The following SPECC1 variants were observed in gnomAD, a reference collection of about 807,000 sequenced individuals.
SPECC1 encodes the protein sperm antigen with calponin homology and coiled-coil domains 1.
A neutral mutation model predicts 104.1 loss-of-function variants in SPECC1; 62 were observed. The observed-to-expected ratio is 0.60, with a 90% CI of 0.49 to 0.74. The LOEUF is 0.74. Among genes scored for constraint, SPECC1 ranks in the 30% least tolerant of loss-of-function variants. The pLI is 0.00. For synonymous variants in SPECC1, 513 were observed against 501.6 expected (o/e 1.02, Z -0.30); for missense variants, 1,306 against 1,310.5 (o/e 1.00, Z 0.05).
chr17:20,043,893 T>C (rs1456165327), intron 1 of SPECC1, among the ~76,000 whole-genome samples: 2 of 152,056 alleles, frequency 1.3e-5, no homozygotes, highest in African/African-American at 2.4e-5. Flanking sequence ...GTTAGGGAGG[T>C]AGAGCTTCAT....
intron 3 of SPECC1, among the ~76,000 whole-genome samples, chr17:20,185,341 T>C (rs1305272107): frequency 1.3e-5 from 2 of 152,182 alleles, no homozygotes; most frequent in East Asian, 1.9e-4. Context: ...GGCTAAATTA[T>C]AAAAGGCTGT....
At chr17:20,270,463 A>AAAAAC (rs2040368752) in intron 12 of SPECC1, among the ~76,000 whole-genome samples, 1 of 102,630 alleles carries the variant, frequency 9.7e-6, no homozygotes, top group Non-Finnish European at 1.9e-5. Flanking sequence ...AAAAAAAAAA[A>AAAAAC]AAAACATTAG....
chr17:20,259,306 G>A (rs538431147), intron 11 of SPECC1, among the ~76,000 whole-genome samples: 2 of 152,278 alleles, frequency 1.3e-5, no homozygotes, highest in Admixed American at 6.5e-5. Flanking sequence ...GTGCTGTTCT[G>A]AAGTTGCCGT....
At chr17:20,069,978 G>A (rs909324992) in intron 1 of SPECC1, among the ~76,000 whole-genome samples, 2 of 152,032 alleles carry the variant, frequency 1.3e-5, no homozygotes, top group African/African-American at 4.8e-5. Context: ...CAGCCTTCCT[G>A]AACTCCTTTA....
rs779872380 is a variant in SPECC1, at chr17:20,205,396, G to A, written c.1347G>A (p.Glu449=). The A allele has an allele frequency of 3.7e-6, 6 of 1,613,866 alleles. No individual in the cohort carries two copies. Among genetic ancestry groups the A allele is most frequent in the Non-Finnish European group, 5.1e-6 (6 of 1,179,980 alleles). The change falls in exon 4 of 15, where the codon GAG becomes GAA. Residue 449 remains glutamate (E), a synonymous_variant. Coordinates refer to ENST00000395527, the MANE Select transcript of SPECC1 (RefSeq NM_001243439.2). ...AGAAGCTGATGAATCTTTTACAAGA[G>A]CGAGTAAAGAATGAAGAGCCCACCA... is the stretch of plus-strand genomic sequence containing the variant. ...ENEKLMNLLQ[E]RVKNEEPTTQ...
At chr17:20,197,026 A>T (rs1199602436) in intron 3 of SPECC1, among the ~76,000 whole-genome samples, 1 of 152,222 alleles carries the variant, frequency 6.6e-6, no homozygotes, top group Non-Finnish European at 1.5e-5. Flanking sequence ...TTATATAAAC[A>T]TTACACATAA....
At chr17:20,160,822 A>G (rs1285811397) in intron 3 of SPECC1, among the ~76,000 whole-genome samples, 1 of 152,136 alleles carries the variant, frequency 6.6e-6, no homozygotes, top group Non-Finnish European at 1.5e-5. Flanking sequence ...AACCTGCACT[A>G]TGAAAGTTGA....
intron 3 of SPECC1, among the ~76,000 whole-genome samples, chr17:20,164,465 A>G (rs900399892): frequency 4.0e-5 from 6 of 151,822 alleles, no homozygotes; most frequent in Admixed American, 6.6e-5. Flanking sequence ...GCCCCATATA[A>G]TTTTTGGGGT....
At chr17:20,309,674 T>C (rs2142201415) in intron 14 of SPECC1, among the ~76,000 whole-genome samples, 1 of 152,288 alleles carries the variant, frequency 6.6e-6, no homozygotes, top group African/African-American at 2.4e-5. Flanking sequence ...TGTGCATTAG[T>C]TTGCTGAGGA....
chr17:20,223,609 G>T (rs1567958192), intron 4 of SPECC1, among the ~76,000 whole-genome samples: 1 of 151,630 alleles, frequency 6.6e-6, no homozygotes, highest in African/African-American at 2.4e-5. Context: ...GGAGGCAGAG[G>T]TTGCAGTGAG....
At chr17:20,128,620 G>A (rs950467950) in intron 3 of SPECC1, among the ~76,000 whole-genome samples, 19 of 152,052 alleles carry the variant, frequency 1.2e-4, no homozygotes, top group African/African-American at 3.9e-4. Context: ...GTAGCTTGTC[G>A]ATCTAATGAC....
chr17:20,037,902 CTGTTT>C (rs1256875951), intron 1 of SPECC1, among the ~76,000 whole-genome samples: 4 of 151,924 alleles, frequency 2.6e-5, no homozygotes, highest in Non-Finnish European at 4.4e-5. Flanking sequence ...TTTAATGTTT[CTGTTT>C]TAAGAGTGTT....
chr17:20,120,186 C>T (rs1241658757), intron 3 of SPECC1, among the ~76,000 whole-genome samples: 1 of 152,118 alleles, frequency 6.6e-6, no homozygotes, highest in East Asian at 1.9e-4. Flanking sequence ...TATTTGGAGA[C>T]CAGCCTGGCC....
chr17:20,199,090 T>A (rs2151317597), intron 3 of SPECC1, among the ~76,000 whole-genome samples: 1 of 144,136 alleles, frequency 6.9e-6, no homozygotes, highest in South Asian at 2.2e-4. Flanking sequence ...CTTTTTTTTT[T>A]TTTTTTTTTT....
At chr17:20,225,119 T>A (rs1433637498) in intron 4 of SPECC1, among the ~76,000 whole-genome samples, 1 of 151,712 alleles carries the variant, frequency 6.6e-6, no homozygotes, top group Non-Finnish European at 1.5e-5. Context: ...GCTTCAGGAA[T>A]CTGCTTAGTG....
intron 1 of SPECC1, among the ~76,000 whole-genome samples, chr17:20,062,515 A>C (rs1327620540): frequency 6.6e-6 from 1 of 151,886 alleles, no homozygotes. Context: ...GGCATGTGCC[A>C]CTGTGCCTGG....
chr17:20,173,789 T>C (rs1260516999), intron 3 of SPECC1, among the ~76,000 whole-genome samples: 1 of 152,252 alleles, frequency 6.6e-6, no homozygotes, highest in Non-Finnish European at 1.5e-5. Flanking sequence ...CCTTACAGTG[T>C]TTAAAGTTTT....
Position 20,281,604 on chromosome 17 carries a change from T to C in SPECC1, c.2941-15357T>C, listed in dbSNP as rs1389735961. Among the ~76,000 whole-genome samples the C allele has an allele frequency of 2.0e-5, 3 of 152,218 alleles. No homozygotes were observed. In the East Asian group the frequency reaches 5.8e-4, roughly 29 times the overall value. On this transcript the variant is annotated intron_variant, in intron 12 of 14. Coordinates refer to ENST00000395527, the MANE Select transcript of SPECC1 (RefSeq NM_001243439.2). ...TGAGGAGATTTCTCCAACATTTCCT[T>C]GAGGGAGCTGCTGGACACAGGTAAA...
chr17:20,009,583 G>A lies in SPECC1; in HGVS notation c.-22+159G>A, dbSNP rs958286616. Among the ~76,000 whole-genome samples, 3 of 152,136 alleles carry A rather than the reference G, an allele frequency of 2.0e-5. No individual in the cohort carries two copies. Among genetic ancestry groups the A allele is most frequent in the Non-Finnish European group, 4.4e-5 (3 of 67,978 alleles). ...AAGGCGTGCTGCGTCTTCGCCGCGG[G>A]GGCCCCGGTCCCCTCGTCGCGTGTC... On this transcript the variant is annotated intron_variant, in intron 1 of 14. Coordinates refer to ENST00000395527, the MANE Select transcript of SPECC1 (RefSeq NM_001243439.2). The surrounding 1 kb of genome is among the most constrained non-coding windows in gnomAD (Gnocchi z 5.2).
Sources: gnomAD v4.1 joint callset for allele counts (sites outside exome capture counted in the v4.1 genomes callset) on GRCh38, gnomAD v4.1.1 for gene constraint, Gnocchi (gnomAD v3.1) non-coding constraint, MANE v1.5 for transcripts, NCBI Gene and HGNC (gene_info 2026-07-23, HGNC 2026-07-21) for gene names.